The following ME3 variants were observed in gnomAD, a reference collection of about 807,000 sequenced individuals.
ME3 encodes the protein NADP-dependent malic enzyme, mitochondrial.
In ME3, 48 loss-of-function variants were observed where a neutral mutation model predicts 68.9. The ratio of observed to expected loss-of-function variants is 0.70; its 90% CI spans 0.55 to 0.89. ME3 has a LOEUF of 0.89. ME3 is among the 40% of genes least tolerant of loss of function. The pLI is 0.00. For synonymous variants in ME3, 320 were observed against 318.8 expected, an observed-to-expected ratio of 1.00 and a Z score of -0.04; for missense variants, 675 against 797.4, an observed-to-expected ratio of 0.85 and a Z score of 1.85.
intron 2 of ME3, among the ~76,000 whole-genome samples, chr11:86,589,274 A>G (rs936950580): frequency 1.3e-5 from 2 of 152,164 alleles, no homozygotes; most frequent in Non-Finnish European, 2.9e-5. Flanking sequence ...TCCTCAGGGC[A>G]GGTACTATGT....
intron 7 of ME3, among the ~76,000 whole-genome samples, chr11:86,466,837 C>T (rs541232398): frequency 6.6e-6 from 1 of 152,230 alleles, no homozygotes; most frequent in South Asian, 2.1e-4. Context: ...GAGTGCTGGG[C>T]GTGGGTTAGA....
At chr11:86,627,207 T>C (rs4944612) in intron 2 of ME3, among the ~76,000 whole-genome samples, 58,706 of 152,058 alleles carry the variant, frequency 0.39, 12,003 homozygotes, top group East Asian at 0.7. Flanking sequence ...AGTTGGGTTA[T>C]AGGCCCCTAT....
intron 2 of ME3, among the ~76,000 whole-genome samples, chr11:86,560,475 G>A (rs890217191): frequency 7.2e-5 from 11 of 151,754 alleles, no homozygotes; most frequent in Admixed American, 7.2e-4. Flanking sequence ...GTGTGAAAAC[G>A]GACTAATACA....
intron 2 of ME3, among the ~76,000 whole-genome samples, chr11:86,589,696 G>A (rs1958950440): frequency 6.6e-6 from 1 of 152,186 alleles, no homozygotes; most frequent in Non-Finnish European, 1.5e-5. Context: ...CCCCACTTAG[G>A]TCTCTTCCAA....
intron 2 of ME3, among the ~76,000 whole-genome samples, chr11:86,647,448 G>A (rs1214671451): frequency 6.6e-6 from 1 of 150,834 alleles, no homozygotes; most frequent in Non-Finnish European, 1.5e-5. Context: ...TCATGCCACT[G>A]CACTCCAGCC....
intron 2 of ME3, chr11:86,622,650 T>C (rs928192522): frequency 6.6e-6 from 1 of 152,076 alleles, no homozygotes; most frequent in East Asian, 1.9e-4. Flanking sequence ...GTACCACCTC[T>C]TCTGTCTATG....
chr11:86,517,702 G>A (rs1436435908), intron 4 of ME3, among the ~76,000 whole-genome samples: 1 of 152,176 alleles, frequency 6.6e-6, no homozygotes, highest in Admixed American at 6.5e-5. Context: ...ACACTGGGAG[G>A]TAGTAATTGA....
intron 2 of ME3, among the ~76,000 whole-genome samples, chr11:86,643,540 T>C (rs956727956): frequency 1.3e-5 from 2 of 152,180 alleles, no homozygotes; most frequent in Non-Finnish European, 2.9e-5. Context: ...GCAACCTTCC[T>C]TTTCACTTGA....
chr11:86,618,621 A>G (rs1943140275), intron 2 of ME3, among the ~76,000 whole-genome samples: 1 of 151,920 alleles, frequency 6.6e-6, no homozygotes, highest in Non-Finnish European at 1.5e-5. Context: ...TCAATGTTGG[A>G]GGTGGGGCCT....
intron 2 of ME3, among the ~76,000 whole-genome samples, chr11:86,657,699 A>G (rs1438358180): frequency 2.0e-5 from 3 of 152,214 alleles, no homozygotes; most frequent in Non-Finnish European, 4.4e-5. Flanking sequence ...ACTAGAAGAA[A>G]GACTCCTGAG....
intron 2 of ME3, among the ~76,000 whole-genome samples, chr11:86,569,621 C>A (rs182665564): frequency 1.3e-3 from 192 of 152,248 alleles, no homozygotes; most frequent in Middle Eastern, 3.4e-3. Context: ...CACATAATAT[C>A]ATCATCCATA....
intron 14 of ME3, among the ~76,000 whole-genome samples, chr11:86,441,850 G>A (rs931585765): frequency 6.6e-6 from 1 of 152,056 alleles, no homozygotes; most frequent in Non-Finnish European, 1.5e-5. Flanking sequence ...TTGAATATGG[G>A]TTAAATTGGA....
chr11:86,533,854 C>T lies in ME3; in HGVS notation c.467+22699G>A, dbSNP rs368618544. ...CAAACCTAGATGGTATAGCCTATTA[C>T]ACACCTAGGCTACATGATATAGCCT... On this transcript the variant is annotated intron_variant, in intron 4 of 14. Transcript: ENST00000543262. Among the ~76,000 whole-genome samples, 48 of 152,220 alleles carry T rather than the reference C, an allele frequency of 3.2e-4. No homozygotes were observed. The South Asian group carries it at 9.8e-3, about 31-fold the overall frequency.
intron 4 of ME3, among the ~76,000 whole-genome samples, chr11:86,555,287 A>G (rs951395366): frequency 1.3e-5 from 2 of 152,176 alleles, no homozygotes; most frequent in Admixed American, 1.3e-4. Context: ...ATGAAATGCC[A>G]TGAGCTGATC....
Position 86,617,045 on chromosome 11 carries a change from G to GTTTTTTTTTTTTTTTTTT in ME3, c.183+54699_183+54716dup, listed in dbSNP as rs563738961. Among the ~76,000 whole-genome samples, 15 of 56,320 alleles carry GTTTTTTTTTTTTTTTTTT rather than the reference G, an allele frequency of 2.7e-4. 4 individuals are homozygous for GTTTTTTTTTTTTTTTTTT. Among genetic ancestry groups the GTTTTTTTTTTTTTTTTTT allele is most frequent in the Non-Finnish European group, 4.4e-4 (14 of 32,060 alleles). The allele number at this position is 56,320 out of a possible 152,430, so 36.9% of individuals were successfully genotyped here. A position where few individuals can be genotyped will look rare whatever the true frequency, so the allele number is the denominator to read the frequency against. ...ACATCTAAAATACTCCAAGATAGTA[G>GTTTTTTTTTTTTTTTTTT]TTTTTTTTTTTTTTTTTTTTTTTTT... On this transcript the variant is annotated intron_variant, in intron 2 of 14. Transcript: ENST00000543262.
chr11:86,635,059 C>G (rs1024361349), intron 2 of ME3, among the ~76,000 whole-genome samples: 3 of 152,192 alleles, frequency 2.0e-5, no homozygotes, highest in African/African-American at 7.2e-5. Context: ...AATCCCAGAA[C>G]TTTGGGAGGC....
At chr11:86,467,712 C>CA (rs1471970486) in intron 7 of ME3, among the ~76,000 whole-genome samples, 66 of 150,846 alleles carry the variant, frequency 4.4e-4, no homozygotes, top group South Asian at 1.3e-3. Flanking sequence ...CACACACACA[C>CA]CCCTTTAAGC....
chr11:86,509,247 T>C (rs1953320225), intron 4 of ME3, among the ~76,000 whole-genome samples: 1 of 152,226 alleles, frequency 6.6e-6, no homozygotes. Context: ...CAGACCACAC[T>C]GCAGTAGCTG....
chr11:86,614,561 C>A (rs570138871), intron 2 of ME3, among the ~76,000 whole-genome samples: 2 of 152,240 alleles, frequency 1.3e-5, no homozygotes, highest in South Asian at 4.1e-4. Context: ...GCAGGCATAA[C>A]CTTCTCTGAG....
Sources: allele counts gnomAD v4.1 joint callset (sites outside exome capture counted in the v4.1 genomes callset), GRCh38; gene constraint gnomAD v4.1.1; transcripts MANE v1.5; gene names NCBI Gene and HGNC (gene_info 2026-07-23, HGNC 2026-07-21).